The following ATP10B variants were observed in gnomAD, a reference collection of about 807,000 sequenced individuals.
ATP10B encodes ATPase phospholipid transporting 10B (putative), also known as phospholipid-transporting ATPase VB.
ATP10B carries 122 observed loss-of-function variants against 141.2 expected under a neutral mutation model. The ratio of observed to expected loss-of-function variants is 0.86; its 90% confidence interval spans 0.75 to 1.00. The LOEUF (loss-of-function observed/expected upper bound fraction) is 1.00, where lower values mean the gene tolerates loss of function less well. ATP10B is among the 50% of genes least tolerant of loss of function. The pLI, the probability that ATP10B is intolerant of heterozygous loss-of-function variation, is 0.00. For synonymous variants in ATP10B, 685 were observed against 692.0 expected, an observed-to-expected ratio of 0.99 and a Z score of 0.16; for missense variants, 1,876 against 1,825.3, an observed-to-expected ratio of 1.03 and a Z score of -0.51.
At chr5:160,572,812 C>T (rs183930396) in intron 24 of ATP10B, among the ~76,000 whole-genome samples, 1 of 152,276 alleles carries the variant, frequency 6.6e-6, no homozygotes, top group Non-Finnish European at 1.5e-5. Context: ...AGACAATAAA[C>T]CTCATACACC....
At chr5:160,828,896 T>C (rs529778607) in intron 1 of ATP10B, among the ~76,000 whole-genome samples, 97 of 148,640 alleles carry the variant, frequency 6.5e-4, no homozygotes, top group African/African-American at 2.2e-3. Flanking sequence ...GATGAGTTCA[T>C]GTCATTTGTA....
At chr5:160,901,393 A>G in the ATP10B span, among the ~76,000 whole-genome samples, 1 of 152,210 alleles carries the variant, frequency 6.6e-6, no homozygotes, top group Non-Finnish European at 1.5e-5. Flanking sequence ...TTCTCAGTGT[A>G]TCTCCAGTAG....
At chr5:160,663,122 T>A (rs1371371905) in intron 7 of ATP10B, among the ~76,000 whole-genome samples, 2 of 152,020 alleles carry the variant, frequency 1.3e-5, no homozygotes, top group East Asian at 3.9e-4. Context: ...TGGCAATCAT[T>A]AAAAAGTCAG....
chr5:160,918,142 A>G, the ATP10B span, among the ~76,000 whole-genome samples: 1 of 152,228 alleles, frequency 6.6e-6, no homozygotes, highest in East Asian at 1.9e-4. Context: ...ATTGTCAGTG[A>G]GCACCTATGG....
the ATP10B span, among the ~76,000 whole-genome samples, chr5:160,869,350 C>T: frequency 6.6e-6 from 1 of 151,962 alleles, no homozygotes; most frequent in Non-Finnish European, 1.5e-5. Context: ...ATCACCCCTA[C>T]CCCTATTTGG....
chr5:160,570,244 C>A (rs1754792435), intron 24 of ATP10B, among the ~76,000 whole-genome samples: 1 of 151,466 alleles, frequency 6.6e-6, no homozygotes, highest in Non-Finnish European at 1.5e-5. Flanking sequence ...TTGGTATATT[C>A]ATATATAATT....
At chr5:160,703,920 A>T (rs564924009) in intron 3 of ATP10B, among the ~76,000 whole-genome samples, 1 of 152,314 alleles carries the variant, frequency 6.6e-6, no homozygotes, top group East Asian at 1.9e-4. Context: ...AACAACATTA[A>T]TCTCCTTGTA....
At chr5:160,920,808 G>T in the ATP10B span, among the ~76,000 whole-genome samples, 4 of 152,178 alleles carry the variant, frequency 2.6e-5, no homozygotes, top group Admixed American at 2.6e-4. Context: ...TGGGACTTGA[G>T]ATTCTGCATT....
At chr5:160,569,787 C>T (rs920953923) in intron 24 of ATP10B, 104 bp from the exon 25 acceptor site, 31 of 909,674 alleles carry the variant, frequency 3.4e-5, no homozygotes, top group African/African-American at 1.9e-4. Flanking sequence ...TTTTGAAATG[C>T]AAAACACACA....
At chr5:160,695,316 A>G (rs1469980340) in intron 3 of ATP10B, among the ~76,000 whole-genome samples, 3 of 151,986 alleles carry the variant, frequency 2.0e-5, no homozygotes, top group Non-Finnish European at 1.5e-5. Context: ...AGCTTTGTCC[A>G]AAACAATGGC....
chr5:160,628,435 G>C (rs898844649), intron 13 of ATP10B, among the ~76,000 whole-genome samples: 1 of 152,254 alleles, frequency 6.6e-6, no homozygotes, highest in African/African-American at 2.4e-5. Context: ...CTTACAGTGG[G>C]AGTGTGTGTA....
chr5:160,603,699 G>T, intron 20 of ATP10B: 1 of 457,450 alleles, frequency 2.2e-6, no homozygotes, highest in Non-Finnish European at 4.0e-6. Flanking sequence ...AATTGTTAAT[G>T]GCTCAAAACC....
intron 24 of ATP10B, among the ~76,000 whole-genome samples, chr5:160,579,227 T>C (rs2127600016): frequency 6.6e-6 from 1 of 152,322 alleles, no homozygotes; most frequent in South Asian, 2.1e-4. Flanking sequence ...GGTGTTTTAG[T>C]CATGAAGTCT....
chr5:160,768,713 G>C (rs1769665235), intron 2 of ATP10B, among the ~76,000 whole-genome samples: 1 of 152,200 alleles, frequency 6.6e-6, no homozygotes, highest in African/African-American at 2.4e-5. Flanking sequence ...TTGATAGGTG[G>C]ATTTCCCAGC....
chr5:160,805,659 G>A (rs1040475874), intron 1 of ATP10B, among the ~76,000 whole-genome samples: 2 of 152,096 alleles, frequency 1.3e-5, no homozygotes, highest in African/African-American at 4.8e-5. Context: ...GAAATGTGAG[G>A]CACTTAAGAG....
chr5:160,886,225 G>A, the ATP10B span, among the ~76,000 whole-genome samples: 1 of 152,168 alleles, frequency 6.6e-6, no homozygotes, highest in African/African-American at 2.4e-5. Flanking sequence ...AGGTGGATAA[G>A]GCAAAATGAC....
chr5:160,698,476 T>C (rs936413579), intron 3 of ATP10B, among the ~76,000 whole-genome samples: 9 of 152,234 alleles, frequency 5.9e-5, no homozygotes, highest in African/African-American at 2.2e-4. Context: ...ATTTTCTCGA[T>C]TAATTAATAC....
Position 160,563,368 on chromosome 5 carries a change from G to T in ATP10B, c.*2085C>A, listed in dbSNP as rs145620447. ...CCAGTTTCCTAGGATTTGGGACTCT[G>T]TAAAAATGAGAAAGTCCCAGGCAAA... On this transcript the variant is annotated 3_prime_UTR_variant, in exon 26 of 26. Transcript: ENST00000327245. The T allele has an allele frequency of 6.6e-5, 10 of 152,272 alleles. No individual in the cohort carries two copies. Among genetic ancestry groups the T allele is most frequent in the Non-Finnish European group, 8.8e-5 (6 of 68,026 alleles). 9.4% of individuals were successfully genotyped at this position (152,272 alleles called of 1,614,324 possible).
chr5:160,666,254 GCA>G (rs1353883839), intron 7 of ATP10B, among the ~76,000 whole-genome samples: 1 of 152,084 alleles, frequency 6.6e-6, no homozygotes, highest in Non-Finnish European at 1.5e-5. Context: ...TTAAAAATAT[GCA>G]CACTCAAGTC....
Sources: allele counts gnomAD v4.1 joint callset (sites outside exome capture counted in the v4.1 genomes callset), GRCh38; gene constraint gnomAD v4.1.1; transcripts MANE v1.5; gene names NCBI Gene and HGNC (gene_info 2026-07-23, HGNC 2026-07-21).